HHIP: variants seen among roughly 807,000 people sequenced by gnomAD.
HHIP encodes hedgehog-interacting protein.
A neutral mutation model predicts 74.0 loss-of-function variants in HHIP; 12 were observed. That is an observed-to-expected ratio of 0.16 (90% CI 0.10 to 0.26). HHIP has a LOEUF of 0.26. Among genes scored for constraint, HHIP ranks in the 10% least tolerant of loss-of-function variants. The pLI, the probability that HHIP is intolerant of heterozygous loss-of-function variation, is 1.00. For missense variants in HHIP, 788 were observed against 845.0 expected (o/e 0.93, Z 0.84); for synonymous variants, 309 against 311.6 (o/e 0.99, Z 0.09).
intron 11 of HHIP, among the ~76,000 whole-genome samples, chr4:144,733,509 A>T (rs762866331): frequency 1.1e-4 from 16 of 152,288 alleles, no homozygotes; most frequent in Admixed American, 3.9e-4. Context: ...TGCCATAGGG[A>T]CATAACAAGG....
chr4:144,693,340 C>T (rs1258880768), intron 4 of HHIP, among the ~76,000 whole-genome samples: 1 of 152,022 alleles, frequency 6.6e-6, no homozygotes, highest in African/African-American at 2.4e-5. Context: ...AACACAGTCT[C>T]AAGCAATTTT....
At chr4:144,730,430 A>G (rs1039739442) in intron 11 of HHIP, among the ~76,000 whole-genome samples, 2 of 152,134 alleles carry the variant, frequency 1.3e-5, no homozygotes, top group East Asian at 3.8e-4. Flanking sequence ...ATTCTTTTTT[A>G]CAAGCCTAAA....
chr4:144,688,131 C>T (rs575672456), intron 4 of HHIP, among the ~76,000 whole-genome samples: 1 of 152,256 alleles, frequency 6.6e-6, no homozygotes, highest in East Asian at 1.9e-4. Flanking sequence ...CTAGAATCAG[C>T]ACTGATTTTC....
chr4:144,675,050 G>GTGTT (rs1232490486), intron 4 of HHIP, among the ~76,000 whole-genome samples: 1 of 152,154 alleles, frequency 6.6e-6, no homozygotes, highest in Non-Finnish European at 1.5e-5. Flanking sequence ...TCAGAAGACA[G>GTGTT]TGTTAACCAC....
chr4:144,684,232 ATTTTTTTTTTTTTTTTTTTTT>A (rs1174297815), intron 4 of HHIP, among the ~76,000 whole-genome samples: 12 of 63,004 alleles, frequency 1.9e-4, no homozygotes, highest in East Asian at 1.9e-3. Flanking sequence ...AAAAAAAAGA[ATTTTTTTTTTTTTTTTTTTTT>A]TTTTTTTTTT....
At chr4:144,679,615 T>C (rs547052730) in intron 4 of HHIP, among the ~76,000 whole-genome samples, 11 of 152,312 alleles carry the variant, frequency 7.2e-5, no homozygotes, top group Admixed American at 1.3e-4. Flanking sequence ...CCCAACACCA[T>C]GTATTAATTA....
Position 144,646,625 on chromosome 4 carries a change from G to A in HHIP, c.-51G>A. On this transcript the variant is annotated 5_prime_UTR_variant, in exon 1 of 13. An upstream open reading frame in the 5' UTR gains an earlier in-frame stop. Transcript: ENST00000296575. ...CGCCCTAGTGCCCCTGCTGGGCAGTGGCGTTCCCCCCCATCCTCCCGCGCC... is the reference window on the plus strand; with the variant it reads ...CGCCCTAGTGCCCCTGCTGGGCAGTAGCGTTCCCCCCCATCCTCCCGCGCC... The A allele has an allele frequency of 6.3e-7, 1 of 1,578,042 alleles. No individual in the cohort carries two copies. The highest frequency in any genetic ancestry group is 8.6e-7 in the Non-Finnish European group (1 of 1,159,344).
chr4:144,734,980 AAT>A, intron 12 of HHIP, 91 bp downstream of exon 12: 4 of 1,244,566 alleles, frequency 3.2e-6, no homozygotes, highest in South Asian at 3.3e-5. Flanking sequence ...CTTCTACAAT[AAT>A]ATAGTGTTCA....
chr4:144,672,737 T>C (rs1729072908), intron 4 of HHIP, among the ~76,000 whole-genome samples: 5 of 152,194 alleles, frequency 3.3e-5, no homozygotes, highest in Admixed American at 3.3e-4. Context: ...AGTCTTGCTT[T>C]GTCACCCAGG....
At chr4:144,680,414 A>C (rs1484737958) in intron 4 of HHIP, among the ~76,000 whole-genome samples, 1 of 152,196 alleles carries the variant, frequency 6.6e-6, no homozygotes, top group Non-Finnish European at 1.5e-5. Flanking sequence ...TCTTTAAGAC[A>C]AGCTTTTTAC....
intron 9 of HHIP, chr4:144,714,965 C>T: frequency 5.1e-6 from 1 of 197,282 alleles, no homozygotes; most frequent in South Asian, 9.5e-5. Flanking sequence ...TGTACTGACC[C>T]CATGCTCTTC....
chr4:144,731,677 C>T (rs1730959760), intron 11 of HHIP, among the ~76,000 whole-genome samples: 1 of 152,174 alleles, frequency 6.6e-6, no homozygotes, highest in Non-Finnish European at 1.5e-5. Flanking sequence ...ACCTCAACCT[C>T]CCAACATGCT....
At chr4:144,650,673 G>C (rs1728394122) in intron 1 of HHIP, 4 of 152,020 alleles carry the variant, frequency 2.6e-5, no homozygotes, top group Admixed American at 2.6e-4. Context: ...TTACACTGCA[G>C]ACCTCACACA....
At chr4:144,677,610 T>G (rs1200600366) in intron 4 of HHIP, among the ~76,000 whole-genome samples, 1 of 152,048 alleles carries the variant, frequency 6.6e-6, no homozygotes, top group African/African-American at 2.4e-5. Flanking sequence ...AATCGAGGTG[T>G]TGTTAGTAGA....
intron 4 of HHIP, among the ~76,000 whole-genome samples, chr4:144,684,232 ATTTTTTTTTTTTTTTTTTTT>A (rs1174297815): frequency 1.0e-3 from 64 of 62,998 alleles, no homozygotes; most frequent in African/African-American, 3.8e-3. Flanking sequence ...AAAAAAAAGA[ATTTTTTTTTTTTTTTTTTTT>A]TTTTTTTTTT....
intron 11 of HHIP, among the ~76,000 whole-genome samples, chr4:144,729,542 A>C (rs2126684244): frequency 6.6e-6 from 1 of 152,342 alleles, no homozygotes; most frequent in Non-Finnish European, 1.5e-5. Flanking sequence ...ATTCAAAATC[A>C]GTAGGTCTGG....
At chr4:144,677,478 C>T (rs1258407537) in intron 4 of HHIP, among the ~76,000 whole-genome samples, 1 of 152,118 alleles carries the variant, frequency 6.6e-6, no homozygotes, top group African/African-American at 2.4e-5. Context: ...ATAACAGATG[C>T]CACTGGATTG....
In HHIP at chr4:144,732,922, C is replaced by T. The variant is rs1016898585; in HGVS notation, c.1761-1819C>T. On this transcript the variant is annotated intron_variant, in intron 11 of 12. Transcript: ENST00000296575. ...CAATTTCAACTAGAATATTTGTTTACTGAATGCCACTCAGTGGCCTATGAC... is the reference window on the plus strand; with the variant it reads ...CAATTTCAACTAGAATATTTGTTTATTGAATGCCACTCAGTGGCCTATGAC... 3.9e-5 allele frequency among the ~76,000 whole-genome samples: 6 copies of T among 152,200 alleles called. No homozygotes were observed. In the East Asian group the frequency reaches 1.2e-3, roughly 29 times the overall value.
At chr4:144,733,688 G>A (rs1185037716) in intron 11 of HHIP, among the ~76,000 whole-genome samples, 1 of 152,136 alleles carries the variant, frequency 6.6e-6, no homozygotes, top group Admixed American at 6.6e-5. Context: ...GACTGTCAAT[G>A]AAAACATTTG....
Sources: gnomAD v4.1 joint callset for allele counts (sites outside exome capture counted in the v4.1 genomes callset) on GRCh38, gnomAD v4.1.1 for gene constraint, MANE v1.5 for transcripts, NCBI Gene and HGNC (gene_info 2026-07-23, HGNC 2026-07-21) for gene names.